The following ADAM17 variants were observed in gnomAD, a reference collection of about 807,000 sequenced individuals.
The protein encoded by ADAM17 is disintegrin and metalloproteinase domain-containing protein 17.
A neutral mutation model predicts 96.7 loss-of-function variants in ADAM17; 39 were observed. The observed-to-expected ratio is 0.40, with a 90% CI of 0.31 to 0.53. ADAM17 has a LOEUF of 0.53. ADAM17 is among the 20% of genes least tolerant of loss of function. ADAM17 has a pLI of 0.44. For missense variants in ADAM17, 777 were observed against 1,013.2 expected, an observed-to-expected ratio of 0.77 and a Z score of 3.17; for synonymous variants, 344 against 359.2, an observed-to-expected ratio of 0.96 and a Z score of 0.48.
intron 12 of ADAM17, among the ~76,000 whole-genome samples, chr2:9,503,853 G>T (rs1213652643): frequency 6.4e-5 from 8 of 124,162 alleles, no homozygotes; most frequent in Non-Finnish European, 1.0e-4. Flanking sequence ...AAAAAAAAAA[G>T]AAATAAAAGA....
intron 17 of ADAM17, 49 bp downstream of exon 17, chr2:9,492,849 G>C (rs1405834131): frequency 1.3e-6 from 2 of 1,493,386 alleles, no homozygotes; most frequent in Non-Finnish European, 1.8e-6. Flanking sequence ...GGTTGGAGTT[G>C]ATCAAAATTT....
intron 4 of ADAM17, among the ~76,000 whole-genome samples, chr2:9,533,243 T>A (rs13034367): frequency 0.23 from 34,812 of 151,470 alleles, 4,752 homozygotes; most frequent in Middle Eastern, 0.33. Context: ...AAGACACATA[T>A]TTTGGCTTAA....
At chr2:9,492,182 GAA>G (rs990715532) in intron 17 of ADAM17, among the ~76,000 whole-genome samples, 1 of 152,222 alleles carries the variant, frequency 6.6e-6, no homozygotes, top group South Asian at 2.1e-4. Context: ...AGGCCACTAT[GAA>G]AGAGTTTGGG....
At chr2:9,494,502 C>T in intron 15 of ADAM17, 135 bp downstream of exon 15, 2 of 1,001,704 alleles carry the variant, frequency 2.0e-6, no homozygotes, top group South Asian at 3.3e-5. Context: ...CTAAGTAATA[C>T]CCGTAGATAA....
intron 6 of ADAM17, 91 bp downstream of exon 6, chr2:9,526,020 T>C: frequency 8.6e-7 from 1 of 1,159,260 alleles, no homozygotes. Context: ...AATAACAGAG[T>C]ATCTGGAACA....
intron 12 of ADAM17, among the ~76,000 whole-genome samples, chr2:9,503,945 G>A (rs1159420137): frequency 6.6e-6 from 1 of 151,946 alleles, no homozygotes; most frequent in African/African-American, 2.4e-5. Context: ...TTGAGCCCAG[G>A]ACTTTACAAC....
intron 11 of ADAM17, chr2:9,505,597 T>C: frequency 1.9e-6 from 1 of 532,292 alleles, no homozygotes; most frequent in Non-Finnish European, 3.4e-6. Flanking sequence ...GGATCTATAA[T>C]TCTTCTTACG....
intron 7 of ADAM17, chr2:9,522,008 C>CA (rs1200803059): frequency 6.4e-6 from 1 of 155,140 alleles, no homozygotes; most frequent in Non-Finnish European, 1.4e-5. Context: ...ATCTAAACCA[C>CA]ACCCTCCAAT....
At chr2:9,500,331 A>G (rs1034686343) in intron 13 of ADAM17, among the ~76,000 whole-genome samples, 2 of 152,226 alleles carry the variant, frequency 1.3e-5, no homozygotes, top group African/African-American at 4.8e-5. Flanking sequence ...GTATAATTCC[A>G]TTTATATGAA....
At chr2:9,506,357 C>CTTTT (rs1663386890) in intron 11 of ADAM17, among the ~76,000 whole-genome samples, 2 of 126,194 alleles carry the variant, frequency 1.6e-5, no homozygotes, top group African/African-American at 6.2e-5. Context: ...ATCTTCAAAT[C>CTTTT]TGTTTTTTTT....
intron 13 of ADAM17, among the ~76,000 whole-genome samples, chr2:9,500,951 C>T (rs1662963007): frequency 6.6e-6 from 1 of 152,148 alleles, no homozygotes; most frequent in Non-Finnish European, 1.5e-5. Context: ...TCTTTTTAAC[C>T]ATCCGCCATG....
At chr2:9,504,624 A>G (rs529948462) in intron 12 of ADAM17, among the ~76,000 whole-genome samples, 80 of 147,880 alleles carry the variant, frequency 5.4e-4, no homozygotes, top group Non-Finnish European at 1.0e-3. Context: ...TTAGCCGGGC[A>G]TGGTGGTGCG....
intron 11 of ADAM17, among the ~76,000 whole-genome samples, chr2:9,506,601 A>C (rs947837326): frequency 1.3e-5 from 2 of 151,882 alleles, no homozygotes; most frequent in African/African-American, 4.8e-5. Context: ...TCTTGACCTC[A>C]TGATCTGCCC....
chr2:9,488,915 AAG>A lies in ADAM17; in HGVS notation c.*1260_*1261del, dbSNP rs1386073755. 2 of 152,226 alleles carry A rather than the reference AAG, an allele frequency of 1.3e-5. No homozygotes were observed. The highest frequency in any genetic ancestry group is 2.9e-5 in the Non-Finnish European group (2 of 68,028). The allele number at this position is 152,226 out of a possible 1,614,324, so 9.4% of individuals were successfully genotyped here. On this transcript the variant is annotated 3_prime_UTR_variant, in exon 19 of 19. Transcript: ENST00000310823. The stretch of plus-strand genomic sequence containing the variant: ...CACATTTCAGTTCTTAGGGGAAAAA[AAG>A]CTTTTAATGGCAATTTATAGAAATC...
At chr2:9,518,049 C>T (rs1664144296) in intron 9 of ADAM17, 54 bp downstream of exon 9, 19 of 1,568,226 alleles carry the variant, frequency 1.2e-5, no homozygotes, top group Non-Finnish European at 1.6e-5. Flanking sequence ...TAATATAATC[C>T]AATCATCTTA....
At chr2:9,524,215 A>G (rs1229713641) in intron 6 of ADAM17, among the ~76,000 whole-genome samples, 1 of 152,196 alleles carries the variant, frequency 6.6e-6, no homozygotes, top group Non-Finnish European at 1.5e-5. Flanking sequence ...TCAAAGTTAT[A>G]CAGTGGCCGG....
chr2:9,496,024 G>A (rs1572884916), intron 14 of ADAM17, among the ~76,000 whole-genome samples: 1 of 151,852 alleles, frequency 6.6e-6, no homozygotes, highest in African/African-American at 2.4e-5. Context: ...ACACATTATT[G>A]AACTTGGAAG....
At chr2:9,490,912 C>G (rs558812102) in intron 18 of ADAM17, among the ~76,000 whole-genome samples, 189 bp downstream of exon 18, 1 of 152,280 alleles carries the variant, frequency 6.6e-6, no homozygotes, top group South Asian at 2.1e-4. Flanking sequence ...TTTAAATGTC[C>G]ATCCATGCAA....
intron 4 of ADAM17, among the ~76,000 whole-genome samples, chr2:9,530,832 G>A (rs953127786): frequency 6.6e-6 from 1 of 151,956 alleles, no homozygotes; most frequent in Non-Finnish European, 1.5e-5. Context: ...TATGATTCAC[G>A]AAAAAAAGAG....
Sources: gnomAD v4.1 joint callset for allele counts (sites outside exome capture counted in the v4.1 genomes callset) on GRCh38, gnomAD v4.1.1 for gene constraint, MANE v1.5 for transcripts, NCBI Gene and HGNC (gene_info 2026-07-23, HGNC 2026-07-21) for gene names.